The following CCDC172 variants were observed in gnomAD, a reference collection of about 807,000 sequenced individuals.
CCDC172 encodes coiled-coil domain containing 172.
In CCDC172, 30 loss-of-function variants were observed where a neutral mutation model predicts 38.0. The observed-to-expected ratio is 0.79, with a 90% CI of 0.59 to 1.07. The LOEUF is 1.07. Among genes scored for constraint, CCDC172 ranks in the 50% least tolerant of loss-of-function variants. The probability of loss-of-function intolerance (pLI) is 0.00; values close to 1 mark genes in which losing one functional copy is unlikely to be tolerated. For synonymous variants in CCDC172, 78 were observed against 88.3 expected, an observed-to-expected ratio of 0.88 and a Z score of 0.66; for missense variants, 297 against 290.1, an observed-to-expected ratio of 1.02 and a Z score of -0.17.
chr10:116,334,610 A>G (rs1353084673), intron 3 of CCDC172, among the ~76,000 whole-genome samples: 1 of 152,014 alleles, frequency 6.6e-6, no homozygotes, highest in East Asian at 1.9e-4. Flanking sequence ...TATTTTATTT[A>G]ACTAATTTCT....
chr10:116,377,605 T>C (rs926230714), intron 7 of CCDC172, among the ~76,000 whole-genome samples: 1 of 152,286 alleles, frequency 6.6e-6, no homozygotes. Flanking sequence ...AGAAACTTAA[T>C]TGGGGAAAAG....
Position 116,343,193 on chromosome 10 carries a change from T to G in CCDC172, c.448+992T>G, listed in dbSNP as rs184666880. Reference sequence around the variant, plus strand: ...TTTCCTCATCTAAACTAGGTTCAATTGCACATGAGGCTCCTTGGATGTAGT... The same window carrying G: ...TTTCCTCATCTAAACTAGGTTCAATGGCACATGAGGCTCCTTGGATGTAGT... On this transcript the variant is annotated intron_variant, in intron 5 of 8. Transcript: ENST00000333254. 3.0e-3 allele frequency among the ~76,000 whole-genome samples: 461 copies of G among 152,292 alleles called. 2 individuals carry two copies. The highest frequency in any genetic ancestry group is 0.01 in the African/African-American group (432 of 41,566).
At chr10:116,366,676 T>C (rs12779131) in intron 7 of CCDC172, among the ~76,000 whole-genome samples, 33,635 of 152,154 alleles carry the variant, frequency 0.22, 4,935 homozygotes, top group Non-Finnish European at 0.33. Context: ...TGTTCCAGGA[T>C]AGATGCCTGT....
At chr10:116,362,708 G>T (rs867978143) in intron 7 of CCDC172, among the ~76,000 whole-genome samples, 4 of 152,198 alleles carry the variant, frequency 2.6e-5, no homozygotes, top group Admixed American at 6.5e-5. Context: ...TACCTATATT[G>T]TCTCCATCTT....
intron 5 of CCDC172, among the ~76,000 whole-genome samples, chr10:116,343,576 G>T (rs771208303): frequency 2.1e-5 from 3 of 143,666 alleles, no homozygotes; most frequent in African/African-American, 5.2e-5. Flanking sequence ...CAATTGTCCT[G>T]TGCCTGCTTC....
chr10:116,325,046 T>A lies in CCDC172; in HGVS notation c.35T>A (p.Phe12Tyr). 1 of 1,614,084 alleles carries A rather than the reference T, an allele frequency of 6.2e-7. No individual in the cohort carries two copies. Among genetic ancestry groups the A allele is most frequent in the Non-Finnish European group, 8.5e-7 (1 of 1,180,006 alleles). Residue 12 changes from phenylalanine to tyrosine, a missense_variant, in exon 2 of 9, where the codon TTC (phenylalanine) becomes TAC (tyrosine). Coordinates refer to ENST00000333254, the MANE Select transcript of CCDC172 (RefSeq NM_198515.3). Reference sequence around the variant, plus strand: ...GAGTCCCTGTTTCAGCACATCATCTTCACCGAGCATCAGGCGGAGGAGAGT... The same window carrying A: ...GAGTCCCTGTTTCAGCACATCATCTACACCGAGCATCAGGCGGAGGAGAGT... ...SLESLFQHII[F>Y]TEHQAEESRR... is the part of the protein sequence containing the mutation.
rs180904496 is a variant in CCDC172 at position 116,340,648 on chromosome 10, A to G, written c.166-86A>G. ...AAGATTAATACAGAATATATTTTAT[A>G]CTAGACAAATCTTCTCTGTTACCTA... is the stretch of plus-strand genomic sequence containing the variant. On this transcript the variant is annotated intron_variant, in intron 3 of 8. Coordinates refer to ENST00000333254, the MANE Select transcript of CCDC172 (RefSeq NM_198515.3). The G allele has an allele frequency of 9.5e-5, 63 of 665,106 alleles. No homozygotes were observed. In the African/African-American group the frequency reaches 1.1e-3, roughly 12 times the overall value. 41.2% of individuals were successfully genotyped at this position (665,106 alleles called of 1,614,324 possible).
Position 116,340,863 on chromosome 10 carries a change from C to A in CCDC172, c.282+13C>A. The A allele has an allele frequency of 7.6e-7, 1 of 1,318,808 alleles. No homozygotes were observed. The highest frequency in any genetic ancestry group is 1.1e-6 in the Non-Finnish European group (1 of 920,476). The allele number at this position is 1,318,808 out of a possible 1,614,324, so 81.7% of individuals were successfully genotyped here. A position where few individuals can be genotyped will look rare whatever the true frequency, so the allele number is the denominator to read the frequency against. ...TCTTCAAACCTTTGTAAGTTTCCAG[C>A]CACCTAGAAAAATCTATTTCACTAA... is the stretch of plus-strand genomic sequence containing the variant. On this transcript the variant is annotated intron_variant, in intron 4 of 8. Coordinates refer to ENST00000333254, the MANE Select transcript of CCDC172 (RefSeq NM_198515.3).
At chr10:116,341,889 G>A (rs931836084) in intron 4 of CCDC172, 147 bp from the exon 5 acceptor site, 2 of 453,720 alleles carry the variant, frequency 4.4e-6, no homozygotes, top group African/African-American at 4.1e-5. Context: ...ATATTACTAT[G>A]AGAAAAAAAC....
intron 3 of CCDC172, among the ~76,000 whole-genome samples, chr10:116,329,314 T>C (rs1443760163): frequency 6.6e-6 from 1 of 150,744 alleles, no homozygotes; most frequent in Non-Finnish European, 1.5e-5. Flanking sequence ...GTCAGGTTTA[T>C]GGGGGTGTGA....
intron 7 of CCDC172, among the ~76,000 whole-genome samples, chr10:116,376,534 A>C (rs1252974006): frequency 2.0e-5 from 3 of 152,222 alleles, no homozygotes; most frequent in Admixed American, 1.3e-4. Flanking sequence ...TATTTTCCAC[A>C]TTAAATACAG....
intron 5 of CCDC172, among the ~76,000 whole-genome samples, chr10:116,348,971 T>C (rs1182904231): frequency 2.0e-5 from 3 of 152,118 alleles, no homozygotes; most frequent in Non-Finnish European, 4.4e-5. Flanking sequence ...TGAGCAAAGC[T>C]TCATCTGTAT....
intron 3 of CCDC172, among the ~76,000 whole-genome samples, chr10:116,333,479 T>G (rs1175173484): frequency 2.0e-5 from 3 of 152,146 alleles, no homozygotes; most frequent in African/African-American, 7.2e-5. Context: ...ATGTGTGACA[T>G]TTTATAGTTC....
chr10:116,361,032 CTATTATTAT>C (rs140026446), intron 7 of CCDC172, among the ~76,000 whole-genome samples: 8,593 of 142,158 alleles, frequency 0.06, 480 homozygotes, highest in African/African-American at 0.14. Flanking sequence ...ACCCCCAAAC[CTATTATTAT>C]TATTATTATT....
intron 7 of CCDC172, among the ~76,000 whole-genome samples, chr10:116,364,155 G>A (rs142117383): frequency 3.9e-5 from 6 of 152,098 alleles, no homozygotes; most frequent in African/African-American, 7.2e-5. Context: ...ACTTTGTACC[G>A]TACAGTAGGC....
chr10:116,357,572 T>C (rs956105190), intron 6 of CCDC172, 91 bp downstream of exon 6: 1 of 1,053,226 alleles, frequency 9.5e-7, no homozygotes, highest in East Asian at 3.0e-5. Context: ...TATATTAACC[T>C]GTTGTGATAT....
chr10:116,356,546 G>C (rs947490133), intron 5 of CCDC172, among the ~76,000 whole-genome samples: 7 of 152,070 alleles, frequency 4.6e-5, no homozygotes, highest in Admixed American at 3.3e-4. Flanking sequence ...AAGCTAAAAA[G>C]CTGCTCAGAG....
intron 3 of CCDC172, among the ~76,000 whole-genome samples, chr10:116,340,133 A>T (rs1242758115): frequency 2.0e-5 from 3 of 151,896 alleles, no homozygotes; most frequent in Admixed American, 6.6e-5. Context: ...TAACAGTTGC[A>T]TGTCTAACAT....
chr10:116,354,108 T>C (rs1844964972), intron 5 of CCDC172, among the ~76,000 whole-genome samples: 1 of 152,196 alleles, frequency 6.6e-6, no homozygotes, highest in South Asian at 2.1e-4. Context: ...AAGATTATAA[T>C]GGAGCTGAAA....
Sources: allele counts gnomAD v4.1 joint callset (sites outside exome capture counted in the v4.1 genomes callset), GRCh38; gene constraint gnomAD v4.1.1; transcripts MANE v1.5; gene names NCBI Gene and HGNC (gene_info 2026-07-23, HGNC 2026-07-21).